The following FOXP1 variants were observed in gnomAD, a reference collection of about 807,000 sequenced individuals.
FOXP1 encodes the protein forkhead box protein P1.
FOXP1 carries 15 observed loss-of-function variants against 98.2 expected under a neutral mutation model. The observed-to-expected ratio is 0.15, with a 90% confidence interval of 0.10 to 0.24. The LOEUF (loss-of-function observed/expected upper bound fraction) is 0.24. Ranked by LOEUF, FOXP1 falls within the 10% of genes least tolerant of loss-of-function variation. The pLI is 1.00. For missense variants in FOXP1, 633 were observed against 848.5 expected (o/e 0.75, Z 3.15); for synonymous variants, 371 against 314.5 (o/e 1.18, Z -1.90).
At chr3:71,563,233 A>G (rs1371173230) in intron 2 of FOXP1, among the ~76,000 whole-genome samples, 1 of 152,186 alleles carries the variant, frequency 6.6e-6, no homozygotes, top group East Asian at 1.9e-4. Flanking sequence ...TATGGGGTGC[A>G]GTAGGTTGTT....
Position 70,956,339 on chromosome 3 carries a change from A to G in FOXP1, c.*2908T>C, listed in dbSNP as rs1559548776. 4.3e-5 allele frequency: 10 copies of G among 232,950 alleles called. No individual in the cohort carries two copies. In the East Asian group the frequency reaches 6.1e-4, roughly 14 times the overall value. The allele number at this position is 232,950 out of a possible 1,614,324, so 14.4% of individuals were successfully genotyped here. A position where few individuals can be genotyped will look rare whatever the true frequency, so the allele number is the denominator to read the frequency against. The stretch of plus-strand genomic sequence containing the variant: ...TCATAGTGAAGTTTGCTTGCTGTAA[A>G]GCCTGAGAATTTTTTTTTCAGTTGG... On this transcript the variant is annotated 3_prime_UTR_variant, in exon 21 of 21. Transcript: ENST00000649528.
At chr3:71,368,563 CT>C (rs11304081) in intron 3 of FOXP1, among the ~76,000 whole-genome samples, 37,730 of 151,596 alleles carry the variant, frequency 0.25, 5,961 homozygotes, top group East Asian at 0.76. Flanking sequence ...AGGAAGTATG[CT>C]TTATTTTGAT....
In FOXP1 at chr3:71,198,304, T is replaced by C; in HGVS notation, c.78A>G (p.Leu26=). 1.2e-6 allele frequency: 2 copies of C among 1,613,900 alleles called. No homozygotes were observed. Among genetic ancestry groups the C allele is most frequent in the Non-Finnish European group, 1.7e-6 (2 of 1,180,018 alleles). ...CCTCCCGAAGACCGCCGCACTCTAG[T>C]AAGTGGTTGCTGCCGCCCGACCCAT... is the stretch of plus-strand genomic sequence containing the variant. ...IQNGSGGSNH[L]LECGGLREGR... is the part of the protein sequence containing the mutation. The change falls in exon 6 of 21, where the codon TTA becomes TTG. Residue 26 remains leucine (L), a synonymous_variant. Transcript: ENST00000649528.
intron 4 of FOXP1, among the ~76,000 whole-genome samples, chr3:71,321,746 C>G (rs2075402900): frequency 2.0e-5 from 3 of 152,016 alleles, no homozygotes; most frequent in Admixed American, 1.3e-4. Flanking sequence ...CTCAGCCTCC[C>G]AAGTAGCTGG....
intron 7 of FOXP1, among the ~76,000 whole-genome samples, chr3:71,094,257 T>A (rs560708845): frequency 2.0e-5 from 3 of 151,524 alleles, no homozygotes; most frequent in Non-Finnish European, 4.4e-5. Context: ...GAATTTCATA[T>A]AATTCCCTTT....
chr3:71,183,017 T>C (rs937648305), intron 6 of FOXP1, among the ~76,000 whole-genome samples: 3 of 152,342 alleles, frequency 2.0e-5, no homozygotes, highest in Middle Eastern at 3.4e-3. Flanking sequence ...ATCAAACTTA[T>C]ATGTTAGCAT....
intron 7 of FOXP1, among the ~76,000 whole-genome samples, chr3:71,071,995 T>C (rs1016453459): frequency 1.3e-5 from 2 of 152,196 alleles, no homozygotes; most frequent in Non-Finnish European, 2.9e-5. Flanking sequence ...TCTCTAGGTA[T>C]TTCCTGCTTA....
intron 3 of FOXP1, among the ~76,000 whole-genome samples, chr3:71,431,531 A>T (rs1429590745): frequency 6.6e-6 from 1 of 152,204 alleles, no homozygotes. Context: ...AGGGTCCAAG[A>T]GATCTGGTAA....
intron 3 of FOXP1, among the ~76,000 whole-genome samples, chr3:71,397,487 T>C (rs993653988): frequency 6.6e-6 from 1 of 152,268 alleles, no homozygotes; most frequent in African/African-American, 2.4e-5. Flanking sequence ...ATGTACATTA[T>C]GTGCCAGGCA....
chr3:70,983,383 C>T (rs1291586510), intron 14 of FOXP1, among the ~76,000 whole-genome samples: 2 of 152,146 alleles, frequency 1.3e-5, no homozygotes, highest in African/African-American at 4.8e-5. Flanking sequence ...ATTTCTCCAA[C>T]TCTAAAGCAA....
chr3:71,383,652 T>C (rs1171872967), intron 3 of FOXP1, among the ~76,000 whole-genome samples: 1 of 152,166 alleles, frequency 6.6e-6, no homozygotes, highest in African/African-American at 2.4e-5. Context: ...GGGGTGTCTG[T>C]GCACATGTAC....
intron 3 of FOXP1, among the ~76,000 whole-genome samples, chr3:71,404,268 T>C (rs918445489): frequency 2.0e-5 from 3 of 151,494 alleles, no homozygotes; most frequent in Non-Finnish European, 2.9e-5. Flanking sequence ...GCTGGGATTA[T>C]AGACATGCAC....
At chr3:71,381,506 G>C (rs889152083) in intron 3 of FOXP1, among the ~76,000 whole-genome samples, 3 of 139,564 alleles carry the variant, frequency 2.1e-5, no homozygotes, top group Admixed American at 7.8e-5. Context: ...GCAGTGGCAC[G>C]ATCACAGCTC....
intron 6 of FOXP1, among the ~76,000 whole-genome samples, chr3:71,114,392 G>A (rs1345872359): frequency 6.6e-6 from 1 of 152,214 alleles, no homozygotes; most frequent in East Asian, 1.9e-4. Context: ...CGTGGAGTGT[G>A]CAAGAGCAGT....
At chr3:71,440,663 T>C (rs1560491611) in intron 3 of FOXP1, among the ~76,000 whole-genome samples, 1 of 147,594 alleles carries the variant, frequency 6.8e-6, no homozygotes, top group East Asian at 2.0e-4. Context: ...GCCACTGCAC[T>C]CCAGCCTGGG....
intron 4 of FOXP1, among the ~76,000 whole-genome samples, chr3:71,308,431 T>C (rs2074431798): frequency 1.3e-5 from 2 of 152,182 alleles, no homozygotes; most frequent in South Asian, 2.1e-4. Context: ...CTTCTTATAA[T>C]GTTGTAAGAT....
intron 17 of FOXP1, among the ~76,000 whole-genome samples, chr3:70,975,507 G>A (rs1348013869): frequency 6.6e-6 from 1 of 152,154 alleles, no homozygotes; most frequent in African/African-American, 2.4e-5. Context: ...ACTTAACAGA[G>A]GAAATGTATT....
At chr3:71,559,751 G>A (rs2046398081) in intron 2 of FOXP1, among the ~76,000 whole-genome samples, 2 of 152,168 alleles carry the variant, frequency 1.3e-5, no homozygotes, top group African/African-American at 2.4e-5. Context: ...GAGGGCTGAG[G>A]TGGGAGGATC....
At chr3:71,362,444 T>C (rs2078635912) in intron 3 of FOXP1, among the ~76,000 whole-genome samples, 2 of 152,316 alleles carry the variant, frequency 1.3e-5, no homozygotes, top group Admixed American at 6.5e-5. Context: ...GTGCCAGGAT[T>C]ATAGGCGTGA....
Sources: allele counts gnomAD v4.1 joint callset (sites outside exome capture counted in the v4.1 genomes callset), GRCh38; gene constraint gnomAD v4.1.1; transcripts MANE v1.5; gene names NCBI Gene and HGNC (gene_info 2026-07-23, HGNC 2026-07-21).